The following TBC1D4 variants were observed in gnomAD, a reference collection of about 807,000 sequenced individuals.
TBC1D4 encodes TBC1 domain family member 4.
Under a neutral mutation model 142.5 loss-of-function variants are expected in TBC1D4, and 121 were observed. That is an observed-to-expected ratio of 0.85 (90% CI 0.73 to 0.99). The LOEUF (loss-of-function observed/expected upper bound fraction) is 0.99, where lower values mean the gene tolerates loss of function less well. Among genes scored for constraint, TBC1D4 ranks in the 50% least tolerant of loss-of-function variants. The probability of loss-of-function intolerance (pLI) is 0.00; values close to 1 mark genes in which losing one functional copy is unlikely to be tolerated. For synonymous variants in TBC1D4, 630 were observed against 628.2 expected (o/e 1.00, Z -0.04); for missense variants, 1,475 against 1,606.6 (o/e 0.92, Z 1.40).
At chr13:75,467,465 G>C (rs186926150) in intron 1 of TBC1D4, among the ~76,000 whole-genome samples, 222 of 152,272 alleles carry the variant, frequency 1.5e-3, no homozygotes, top group African/African-American at 4.7e-3. Flanking sequence ...AAAAAGAAAA[G>C]CTGTTTAGAA....
At chr13:75,298,710 G>A (rs1282146695) in intron 17 of TBC1D4, among the ~76,000 whole-genome samples, 2 of 152,074 alleles carry the variant, frequency 1.3e-5, no homozygotes, top group African/African-American at 4.8e-5. Context: ...CCGAGATCGT[G>A]CCACTGCACT....
rs986923131 is a variant in TBC1D4, at chr13:75,286,791, A to T, written c.*1T>A. ...TTTCTGCTGAGGCCGTGCCTCTTCA[A>T]TTATGGCTTATTTCCTATCTTGGCT... is the stretch of plus-strand genomic sequence containing the variant. On this transcript the variant is annotated 3_prime_UTR_variant, in exon 21 of 21. Coordinates refer to ENST00000377636, the MANE Select transcript of TBC1D4 (RefSeq NM_014832.5). 6.2e-7 allele frequency: 1 copy of T among 1,613,454 alleles called. No homozygotes were observed. Among genetic ancestry groups the T allele is most frequent in the Non-Finnish European group, 8.5e-7 (1 of 1,179,708 alleles).
In TBC1D4 at chr13:75,351,355, A is replaced by G. The variant is rs1256137611; in HGVS notation, c.1276-2053T>C. On this transcript the variant is annotated intron_variant, in intron 4 of 20. Coordinates refer to ENST00000377636, the MANE Select transcript of TBC1D4 (RefSeq NM_014832.5). ...TAAATTTTTAAATTATCCAATAAAG[A>G]ATGGCATCAATCCTATTTTTTTGGG... Among the ~76,000 whole-genome samples the G allele has an allele frequency of 6.6e-5, 10 of 152,226 alleles. No individual in the cohort carries two copies. The East Asian group carries it at 1.7e-3, about 26-fold the overall frequency.
At chr13:75,360,318 T>C (rs1882400001) in intron 2 of TBC1D4, among the ~76,000 whole-genome samples, 1 of 151,932 alleles carries the variant, frequency 6.6e-6, no homozygotes, top group African/African-American at 2.4e-5. Context: ...TGTGACTAAC[T>C]AAAAAAAGAA....
At chr13:75,364,379 A>G (rs892467640) in intron 1 of TBC1D4, among the ~76,000 whole-genome samples, 4 of 152,220 alleles carry the variant, frequency 2.6e-5, no homozygotes, top group African/African-American at 4.8e-5. Context: ...ATTATTTGGG[A>G]TATACTGCTA....
At chr13:75,297,597 A>G (rs1399512598) in intron 17 of TBC1D4, among the ~76,000 whole-genome samples, 1 of 152,026 alleles carries the variant, frequency 6.6e-6, no homozygotes, top group Non-Finnish European at 1.5e-5. Flanking sequence ...TCTACTAAAA[A>G]TACAAAAAAT....
At chr13:75,410,916 A>G (rs1242008768) in intron 1 of TBC1D4, among the ~76,000 whole-genome samples, 1 of 112,296 alleles carries the variant, frequency 8.9e-6, no homozygotes, top group Non-Finnish European at 1.7e-5. Flanking sequence ...AGCCTGGGCG[A>G]CAGAGCGAGA....
intron 1 of TBC1D4, among the ~76,000 whole-genome samples, chr13:75,470,786 G>C (rs1888364519): frequency 6.6e-6 from 1 of 152,126 alleles, no homozygotes. Context: ...AGGAGTTTAA[G>C]ACCAGCCTGG....
At chr13:75,376,317 C>T (rs1029317610) in intron 1 of TBC1D4, among the ~76,000 whole-genome samples, 1 of 152,006 alleles carries the variant, frequency 6.6e-6, no homozygotes, top group African/African-American at 2.4e-5. Flanking sequence ...GCTGCATCTA[C>T]AGACATACTG....
At position 75,362,376 on chromosome 13, in the gene TBC1D4, G is replaced by T. The variant is rs764619612; in HGVS notation, c.730C>A (p.Arg244Ser). The T allele has an allele frequency of 6.2e-7, 1 of 1,614,098 alleles. No homozygotes were observed. Among genetic ancestry groups the T allele is most frequent in the Non-Finnish European group, 8.5e-7 (1 of 1,180,052 alleles). ...AGGTCCTCTCCTGGGTCCGGACCGC[G>T]CTGCTCCCCTTGGATCTTCAGGCGC... is the stretch of plus-strand genomic sequence containing the variant. Reference protein sequence around the residue: ...QQRLKIQGEQRGPDPGEDLAD... With the variant: ...QQRLKIQGEQSGPDPGEDLAD... Residue 244 changes from arginine to serine, a missense_variant, in exon 2 of 21, where the codon CGC (arginine) becomes AGC (serine). Physicochemically the swap from Arg to Ser is moderately radical, Grantham distance 110 (BLOSUM62 -1). Around this residue, in one of 2 missense-constraint regions of TBC1D4, gnomAD observed 1,227 missense variants for 1,267.7 expected, o/e 0.97. Transcript: ENST00000377636. This position sits in a 1 kb window ranked among gnomAD's most constrained non-coding sequence, Gnocchi z 4.2.
chr13:75,378,692 T>G (rs964819865), intron 1 of TBC1D4, among the ~76,000 whole-genome samples: 1 of 152,098 alleles, frequency 6.6e-6, no homozygotes, highest in Non-Finnish European at 1.5e-5. Flanking sequence ...GGCCTATTAC[T>G]TCCACTGTGA....
At chr13:75,287,443 T>C (rs895942530) in intron 20 of TBC1D4, among the ~76,000 whole-genome samples, 7 of 152,148 alleles carry the variant, frequency 4.6e-5, no homozygotes, top group African/African-American at 1.2e-4. Flanking sequence ...TCAGTATTTA[T>C]AGATGTGAGG....
In TBC1D4 at chr13:75,341,481, T is replaced by C; in HGVS notation, c.1500+15A>G. On this transcript the variant is annotated intron_variant, in intron 6 of 20. Coordinates refer to ENST00000377636, the MANE Select transcript of TBC1D4 (RefSeq NM_014832.5). ...TTCCTTATGTCTTATTTATGAGACCTACAAATAATGTTACCTGAACTCTTT... is the reference window on the plus strand; with the variant it reads ...TTCCTTATGTCTTATTTATGAGACCCACAAATAATGTTACCTGAACTCTTT... 1.9e-6 allele frequency: 3 copies of C among 1,609,754 alleles called. No individual in the cohort carries two copies. Among genetic ancestry groups the C allele is most frequent in the Non-Finnish European group, 2.6e-6 (3 of 1,176,060 alleles).
Position 75,326,349 on chromosome 13 carries a change from G to A in TBC1D4, c.1881C>T (p.Pro627=), listed in dbSNP as rs769248891. The change falls in exon 10 of 21, where the codon CCC becomes CCT. Residue 627 remains proline (P), a synonymous_variant. Coordinates refer to ENST00000377636, the MANE Select transcript of TBC1D4 (RefSeq NM_014832.5). Reference sequence around the variant, plus strand: ...ACTGCGGGGAGTCGGAATCCTCTTCGGGAAACGTTTGCCAAGCTGAGGACG... The same window carrying A: ...ACTGCGGGGAGTCGGAATCCTCTTCAGGAAACGTTTGCCAAGCTGAGGACG... ...SPPSSAWQTF[P]EEDSDSPQFR... 12 of 1,614,076 alleles carry A rather than the reference G, an allele frequency of 7.4e-6. No individual in the cohort carries two copies. The highest frequency in any genetic ancestry group is 1.7e-4 in the Middle Eastern group (1 of 6,060).
chr13:75,416,914 G>T (rs998711409), intron 1 of TBC1D4, among the ~76,000 whole-genome samples: 4 of 152,162 alleles, frequency 2.6e-5, no homozygotes, highest in African/African-American at 4.8e-5. Context: ...ACCCCTGGAG[G>T]AGAAAAGAGG....
At chr13:75,433,051 A>G (rs1282573159) in intron 1 of TBC1D4, among the ~76,000 whole-genome samples, 1 of 152,122 alleles carries the variant, frequency 6.6e-6, no homozygotes, top group East Asian at 1.9e-4. Context: ...ACACAATACA[A>G]AAGAGCCTAC....
chr13:75,398,405 G>A (rs981827301), intron 1 of TBC1D4, among the ~76,000 whole-genome samples: 21 of 152,174 alleles, frequency 1.4e-4, no homozygotes, highest in Admixed American at 1.2e-3. Context: ...GTCTGAAAGT[G>A]GGAGCTGCTA....
intron 1 of TBC1D4, 75 bp downstream of exon 1, chr13:75,481,195 T>TCCCCCCCCCCC: frequency 5.7e-5 from 74 of 1,292,684 alleles, no homozygotes; most frequent in Non-Finnish European, 6.5e-5. Context: ...TAAAGTGGGG[T>TCCCCCCCCCCC]CCCCGCCCCT....
At chr13:75,419,351 T>C (rs1213511825) in intron 1 of TBC1D4, among the ~76,000 whole-genome samples, 2 of 152,166 alleles carry the variant, frequency 1.3e-5, no homozygotes, top group African/African-American at 2.4e-5. Context: ...TTATGCAACA[T>C]TTTCACCCTA....
Sources: allele counts gnomAD v4.1 joint callset (sites outside exome capture counted in the v4.1 genomes callset), GRCh38; gene constraint gnomAD v4.1.1; regional missense constraint gnomAD v4.1.1; non-coding constraint Gnocchi (gnomAD v3.1); transcripts MANE v1.5; gene names NCBI Gene and HGNC (gene_info 2026-07-23, HGNC 2026-07-21).